KLHDC1: variants seen among roughly 807,000 people sequenced by gnomAD.
KLHDC1 encodes kelch domain containing 1.
KLHDC1 carries 53 observed loss-of-function variants against 68.3 expected under a neutral mutation model. That is an observed-to-expected ratio of 0.78 (90% confidence interval 0.62 to 0.98). The LOEUF (loss-of-function observed/expected upper bound fraction) is 0.98, where lower values mean the gene tolerates loss of function less well. Ranked by LOEUF, KLHDC1 falls within the 50% of genes least tolerant of loss-of-function variation. The probability of loss-of-function intolerance (pLI) is 0.00; values close to 1 mark genes in which losing one functional copy is unlikely to be tolerated. For synonymous variants in KLHDC1, 148 were observed against 159.0 expected (o/e 0.93, Z 0.52); for missense variants, 470 against 492.3 (o/e 0.95, Z 0.43).
intron 11 of KLHDC1, among the ~76,000 whole-genome samples, 179 bp downstream of exon 11, chr14:49,740,361 G>A (rs1173773617): frequency 2.0e-5 from 3 of 151,608 alleles, no homozygotes; most frequent in Admixed American, 6.6e-5. Context: ...TTTTTGAGAT[G>A]GAGTCTTGCT....
At chr14:49,741,450 C>T (rs1485037687) in intron 11 of KLHDC1, among the ~76,000 whole-genome samples, 5 of 151,730 alleles carry the variant, frequency 3.3e-5, no homozygotes, top group South Asian at 4.2e-4. Flanking sequence ...GGATTACAGG[C>T]GTGTGCCACA....
At chr14:49,710,138 T>G (rs1888160466) in intron 3 of KLHDC1, 125 bp from the exon 4 acceptor site, 6 of 570,826 alleles carry the variant, frequency 1.1e-5, no homozygotes, top group Admixed American at 3.0e-5. Flanking sequence ...TTTTTAAATT[T>G]TAATAGGTAA....
At chr14:49,738,400 G>A (rs577829917) in intron 10 of KLHDC1, among the ~76,000 whole-genome samples, 74 of 149,908 alleles carry the variant, frequency 4.9e-4, no homozygotes, top group African/African-American at 1.7e-3. Flanking sequence ...GTGCAGTGGT[G>A]TGATGTCGGC....
intron 4 of KLHDC1, among the ~76,000 whole-genome samples, chr14:49,713,848 A>T (rs369426285): frequency 0.87 from 43,568 of 49,848 alleles, 18,926 homozygotes; most frequent in South Asian, 0.94. Flanking sequence ...ATATATATAT[A>T]TATTTTTTTT....
chr14:49,725,110 G>A (rs1888633123), intron 5 of KLHDC1, among the ~76,000 whole-genome samples: 2 of 152,182 alleles, frequency 1.3e-5, no homozygotes, highest in African/African-American at 4.8e-5. Flanking sequence ...AGATCATCTA[G>A]AGTAGTGATA....
At chr14:49,749,478 C>T (rs78922510) in intron 12 of KLHDC1, among the ~76,000 whole-genome samples, 251 of 152,058 alleles carry the variant, frequency 1.7e-3, no homozygotes, top group Middle Eastern at 0.01. Context: ...GAGTTCAAGA[C>T]TAGCCTGGCC....
intron 10 of KLHDC1, 105 bp downstream of exon 10, chr14:49,734,766 G>A (rs1888894669): frequency 2.2e-6 from 1 of 464,320 alleles, no homozygotes; most frequent in Non-Finnish European, 3.8e-6. Context: ...AAGCCATTGA[G>A]AAGGATATCT....
rs192459000 is a variant in KLHDC1, at chr14:49,742,288, A to G, written c.982-1465A>G. On this transcript the variant is annotated intron_variant, in intron 11 of 12. Transcript: ENST00000359332. Reference sequence around the variant, plus strand: ...AGACCTATTTGAAAGGATTAGATACATTTTCTGTGACTTTTCTACCACATT... The same window carrying G: ...AGACCTATTTGAAAGGATTAGATACGTTTTCTGTGACTTTTCTACCACATT... Among the ~76,000 whole-genome samples the G allele has an allele frequency of 2.0e-4, 31 of 152,346 alleles. No individual in the cohort carries two copies. The East Asian group carries it at 5.4e-3, about 27-fold the overall frequency.
chr14:49,743,310 G>A (rs149819816), intron 11 of KLHDC1, among the ~76,000 whole-genome samples: 1 of 149,484 alleles, frequency 6.7e-6, no homozygotes, highest in African/African-American at 2.5e-5. Flanking sequence ...TGAGGCAAGA[G>A]AATCGCTTGA....
intron 4 of KLHDC1, among the ~76,000 whole-genome samples, chr14:49,722,054 C>G (rs1477152665): frequency 6.6e-6 from 1 of 152,334 alleles, no homozygotes; most frequent in Non-Finnish European, 1.5e-5. Context: ...GTGACTGACC[C>G]TGATCCCTCC....
chr14:49,709,529 A>T (rs1460550424), intron 2 of KLHDC1, among the ~76,000 whole-genome samples, 180 bp from the exon 3 acceptor site: 13 of 149,328 alleles, frequency 8.7e-5, no homozygotes, highest in Non-Finnish European at 1.6e-4. Flanking sequence ...TTTTTTTCCT[A>T]GCAGATTGAA....
Position 49,726,204 on chromosome 14 carries a change from T to C in KLHDC1, c.567+435T>C, listed in dbSNP as rs554518665. 3.3e-5 allele frequency among the ~76,000 whole-genome samples: 5 copies of C among 152,324 alleles called. No homozygotes were observed. The East Asian group carries it at 9.6e-4, about 29-fold the overall frequency. On this transcript the variant is annotated intron_variant, in intron 6 of 12. Transcript: ENST00000359332. ...GTAATCACATACCAAGTAGTTCTCT[T>C]GAGTACTTTCATTAATAGCATTAAG...
chr14:49,749,813 C>T (rs1889284286), intron 12 of KLHDC1, among the ~76,000 whole-genome samples: 1 of 152,078 alleles, frequency 6.6e-6, no homozygotes, highest in Admixed American at 6.5e-5. Flanking sequence ...AATCCCAACA[C>T]TTTGTGAGGC....
chr14:49,734,142 A>G (rs1292416341), intron 9 of KLHDC1, among the ~76,000 whole-genome samples: 1 of 152,152 alleles, frequency 6.6e-6, no homozygotes, highest in African/African-American at 2.4e-5. Flanking sequence ...TAAGCTAGTC[A>G]ATTTCCTCCC....
chr14:49,695,997 C>T (rs960031719), intron 1 of KLHDC1, among the ~76,000 whole-genome samples: 33 of 149,844 alleles, frequency 2.2e-4, no homozygotes, highest in Non-Finnish European at 4.7e-4. Flanking sequence ...ACCCAGGAGG[C>T]GGAGCTTGCA....
At chr14:49,718,455 T>G (rs2139747197) in intron 4 of KLHDC1, among the ~76,000 whole-genome samples, 1 of 151,992 alleles carries the variant, frequency 6.6e-6, no homozygotes, top group East Asian at 2.0e-4. Flanking sequence ...TAATTTTTTT[T>G]GTACTTTTAG....
chr14:49,707,161 A>G (rs1359769070), intron 1 of KLHDC1, among the ~76,000 whole-genome samples: 1 of 151,970 alleles, frequency 6.6e-6, no homozygotes, highest in Non-Finnish European at 1.5e-5. Flanking sequence ...ATTTTTGTAT[A>G]TGGTGAAAGA....
At chr14:49,704,593 A>G (rs1178211430) in intron 1 of KLHDC1, among the ~76,000 whole-genome samples, 2 of 151,504 alleles carry the variant, frequency 1.3e-5, no homozygotes, top group African/African-American at 4.9e-5. Flanking sequence ...CCAGAGTTTC[A>G]CCATGTTGGC....
chr14:49,711,127 G>C (rs1287860291), intron 4 of KLHDC1, among the ~76,000 whole-genome samples: 1 of 151,990 alleles, frequency 6.6e-6, no homozygotes, highest in Non-Finnish European at 1.5e-5. Flanking sequence ...TGAGTAGCTG[G>C]GATTACAGGT....
Sources: allele counts gnomAD v4.1 joint callset (sites outside exome capture counted in the v4.1 genomes callset), GRCh38; gene constraint gnomAD v4.1.1; transcripts MANE v1.5; gene names NCBI Gene and HGNC (gene_info 2026-07-23, HGNC 2026-07-21).